Variants in NRXN3 observed in about 807,000 individuals in gnomAD.
The protein encoded by NRXN3 is neurexin 3, also known as neurexin III.
In NRXN3, 32 loss-of-function variants were observed where a neutral mutation model predicts 137.6. The ratio of observed to expected loss-of-function variants is 0.23; its 90% CI spans 0.18 to 0.31. The LOEUF (loss-of-function observed/expected upper bound fraction) is 0.31, where lower values mean the gene tolerates loss of function less well. Ranked by LOEUF, NRXN3 falls within the 10% of genes least tolerant of loss-of-function variation. The pLI, the probability that NRXN3 is intolerant of heterozygous loss-of-function variation, is 1.00. For synonymous variants in NRXN3, 798 were observed against 784.5 expected (o/e 1.02, Z -0.29); for missense variants, 1,574 against 2,062.5 (o/e 0.76, Z 4.59).
At chr14:78,839,357 G>T (rs548615255) in intron 10 of NRXN3, among the ~76,000 whole-genome samples, 55 of 152,284 alleles carry the variant, frequency 3.6e-4, no homozygotes, top group Admixed American at 8.5e-4. Flanking sequence ...TGTGGAAAGG[G>T]TCAGATAATG....
At chr14:79,269,534 C>T (rs138542470) in intron 15 of NRXN3, among the ~76,000 whole-genome samples, 1 of 152,192 alleles carries the variant, frequency 6.6e-6, no homozygotes, top group East Asian at 1.9e-4. Context: ...TTCTTACCGG[C>T]GACTGAGGAG....
intron 15 of NRXN3, among the ~76,000 whole-genome samples, chr14:79,069,472 G>A (rs1356651030): frequency 6.6e-6 from 1 of 151,350 alleles, no homozygotes; most frequent in African/African-American, 2.4e-5. Context: ...TAACAAGTAA[G>A]TAAATTATGT....
At chr14:79,472,879 T>C (rs1017079518) in intron 16 of NRXN3, among the ~76,000 whole-genome samples, 4 of 152,192 alleles carry the variant, frequency 2.6e-5, no homozygotes, top group Non-Finnish European at 5.9e-5. Context: ...TCTTTCACCA[T>C]CTGCAAAATA....
intron 4 of NRXN3, among the ~76,000 whole-genome samples, chr14:78,476,831 A>G (rs201714222): frequency 6.6e-6 from 1 of 152,208 alleles, no homozygotes; most frequent in East Asian, 1.9e-4. Context: ...TCATGTAGTA[A>G]CTGGGAATTC....
chr14:79,738,789 C>A (rs183119686), intron 19 of NRXN3, among the ~76,000 whole-genome samples: 5 of 152,202 alleles, frequency 3.3e-5, no homozygotes, highest in African/African-American at 1.2e-4. Context: ...GAACTCCTGA[C>A]CCCAAGTGAT....
At chr14:79,690,623 T>C (rs2098713093) in intron 17 of NRXN3, among the ~76,000 whole-genome samples, 2 of 152,112 alleles carry the variant, frequency 1.3e-5, no homozygotes, top group Non-Finnish European at 2.9e-5. Flanking sequence ...TTCCTGGTAG[T>C]AAAGATATGA....
chr14:78,538,738 T>C (rs2096560741), intron 4 of NRXN3, among the ~76,000 whole-genome samples: 1 of 152,196 alleles, frequency 6.6e-6, no homozygotes, highest in South Asian at 2.1e-4. Flanking sequence ...CAGTATGATA[T>C]TGGCTGTGGG....
chr14:78,952,761 G>A (rs751037837), intron 10 of NRXN3, among the ~76,000 whole-genome samples: 24 of 152,170 alleles, frequency 1.6e-4, no homozygotes, highest in Non-Finnish European at 2.9e-4. Context: ...TAGTTTGAAG[G>A]GAAATCAAGT....
intron 15 of NRXN3, among the ~76,000 whole-genome samples, chr14:79,035,422 C>A (rs2099614449): frequency 6.6e-6 from 1 of 151,986 alleles, no homozygotes; most frequent in Non-Finnish European, 1.5e-5. Flanking sequence ...TGAAATGTAT[C>A]TGATATTCTC....
At chr14:79,516,829 A>G (rs1029725825) in intron 16 of NRXN3, among the ~76,000 whole-genome samples, 13 of 152,344 alleles carry the variant, frequency 8.5e-5, no homozygotes, top group African/African-American at 3.1e-4. Context: ...GTATCAGAAC[A>G]AAGAGAAATT....
chr14:79,807,671 G>C (rs2099213553), intron 20 of NRXN3, among the ~76,000 whole-genome samples: 1 of 152,166 alleles, frequency 6.6e-6, no homozygotes, highest in Non-Finnish European at 1.5e-5. Context: ...GTTGTGTTCT[G>C]TAAGGGAGCA....
At chr14:79,135,856 A>T (rs927537889) in intron 15 of NRXN3, among the ~76,000 whole-genome samples, 1 of 152,196 alleles carries the variant, frequency 6.6e-6, no homozygotes, top group African/African-American at 2.4e-5. Context: ...GTTTTCTAAG[A>T]TCACACAGCT....
At chr14:79,766,629 A>T (rs535282171) in intron 19 of NRXN3, among the ~76,000 whole-genome samples, 1 of 152,350 alleles carries the variant, frequency 6.6e-6, no homozygotes, top group East Asian at 1.9e-4. Context: ...TTGAATGTGT[A>T]ATCTCACAAA....
At chr14:78,386,193 T>A (rs2089959219) in intron 4 of NRXN3, among the ~76,000 whole-genome samples, 1 of 152,228 alleles carries the variant, frequency 6.6e-6, no homozygotes, top group Admixed American at 6.5e-5. Flanking sequence ...TTTATTATAT[T>A]TGATTTTCAG....
intron 6 of NRXN3, among the ~76,000 whole-genome samples, chr14:78,705,161 A>C (rs2098333290): frequency 6.6e-6 from 1 of 152,050 alleles, no homozygotes; most frequent in Non-Finnish European, 1.5e-5. Flanking sequence ...CTTTGTCTTT[A>C]ATTGCTCCTC....
At chr14:79,253,807 C>G (rs1597867042) in intron 15 of NRXN3, among the ~76,000 whole-genome samples, 1 of 152,302 alleles carries the variant, frequency 6.6e-6, no homozygotes, top group Admixed American at 6.5e-5. Context: ...TAATCACCTC[C>G]CACCAGATCC....
At chr14:79,358,607 G>GAGAGAGAGAGAAAGAA (rs2093538531) in intron 15 of NRXN3, among the ~76,000 whole-genome samples, 3 of 79,944 alleles carry the variant, frequency 3.8e-5, no homozygotes, top group Non-Finnish European at 2.6e-5. Flanking sequence ...AAGAAAGAAA[G>GAGAGAGAGAGAAAGAA]AGAAAGAAAG....
At position 79,727,758 on chromosome 14, in the gene NRXN3, G is replaced by A. The variant is rs75164677; in HGVS notation, c.4014+29821G>A. ...GGCAATAAATAAACGAACCCCCATTGTGCAAATATTATGCTCTTCTCATTG... is the reference window on the plus strand; with the variant it reads ...GGCAATAAATAAACGAACCCCCATTATGCAAATATTATGCTCTTCTCATTG... On this transcript the variant is annotated intron_variant, in intron 19 of 20. Transcript: ENST00000335750. Among the ~76,000 whole-genome samples, 819 of 152,124 alleles carry A rather than the reference G, an allele frequency of 5.4e-3. 8 individuals carry two copies. The highest frequency in any genetic ancestry group is 0.019 in the African/African-American group (786 of 41,484).
chr14:79,494,827 G>T (rs138423396), intron 16 of NRXN3, among the ~76,000 whole-genome samples: 1 of 152,252 alleles, frequency 6.6e-6, no homozygotes, highest in East Asian at 1.9e-4. Context: ...AATTTGCTCA[G>T]ATAATCCCAG....
Sources: gnomAD v4.1 joint callset for allele counts (sites outside exome capture counted in the v4.1 genomes callset) on GRCh38, gnomAD v4.1.1 for gene constraint, MANE v1.5 for transcripts, NCBI Gene and HGNC (gene_info 2026-07-23, HGNC 2026-07-21) for gene names.